Variants in ELMOD3 observed in about 807,000 individuals in gnomAD.
ELMOD3 encodes ELMO domain-containing protein 3.
A neutral mutation model predicts 47.4 loss-of-function variants in ELMOD3; 36 were observed. That is an observed-to-expected ratio of 0.76 (90% CI 0.58 to 1.00). The LOEUF is 1.00. Ranked by LOEUF, ELMOD3 falls within the 50% of genes least tolerant of loss-of-function variation. The pLI is 0.00. For missense variants in ELMOD3, 404 were observed against 463.8 expected, an observed-to-expected ratio of 0.87 and a Z score of 1.18; for synonymous variants, 149 against 183.5, an observed-to-expected ratio of 0.81 and a Z score of 1.52.
chr2:85,358,609 T>G (rs1407392047), intron 4 of ELMOD3, among the ~76,000 whole-genome samples: 1 of 151,970 alleles, frequency 6.6e-6, no homozygotes, highest in East Asian at 1.9e-4. Context: ...TGGTCAGCTG[T>G]GAGGTGTTTT....
At chr2:85,368,900 G>C in intron 7 of ELMOD3, 146 bp downstream of exon 7, 1 of 816,842 alleles carries the variant, frequency 1.2e-6, no homozygotes, top group Non-Finnish European at 2.0e-6. Flanking sequence ...ATAGATTACA[G>C]TACCTTTTTC....
intron 11 of ELMOD3, among the ~76,000 whole-genome samples, chr2:85,384,563 A>G (rs967471922): frequency 1.3e-5 from 2 of 152,136 alleles, no homozygotes; most frequent in East Asian, 3.9e-4. Flanking sequence ...GGTTTTCTCA[A>G]GTAGCAAAAG....
chr2:85,357,492 T>C (rs1683645750), intron 4 of ELMOD3: 5 of 365,242 alleles, frequency 1.4e-5, no homozygotes, highest in Admixed American at 4.6e-5. Context: ...GAGAATTTCA[T>C]TGAGGAATCA....
At chr2:85,362,839 GC>G (rs1451994051) in intron 5 of ELMOD3, among the ~76,000 whole-genome samples, 1 of 152,200 alleles carries the variant, frequency 6.6e-6, no homozygotes, top group African/African-American at 2.4e-5. Context: ...GATCACTTGA[GC>G]CCAGGAGGTG....
chr2:85,371,756 G>A (rs941470575), intron 10 of ELMOD3, 194 bp downstream of exon 10: 5 of 681,478 alleles, frequency 7.3e-6, no homozygotes, highest in African/African-American at 1.8e-5. Flanking sequence ...AGAGTAGGTC[G>A]GGCGTGGTGG....
At chr2:85,382,774 C>T (rs948136000) in intron 11 of ELMOD3, among the ~76,000 whole-genome samples, 1 of 152,056 alleles carries the variant, frequency 6.6e-6, no homozygotes, top group Admixed American at 6.5e-5. Flanking sequence ...CCTTGGCCTC[C>T]CAAAGTACTG....
At chr2:85,380,647 T>A (rs1265196820) in intron 11 of ELMOD3, among the ~76,000 whole-genome samples, 2 of 152,186 alleles carry the variant, frequency 1.3e-5, no homozygotes, top group Non-Finnish European at 2.9e-5. Flanking sequence ...TGCCTCAGCC[T>A]CCGAGTAGCT....
chr2:85,385,997 T>C (rs1288927832), intron 11 of ELMOD3, among the ~76,000 whole-genome samples: 2 of 152,050 alleles, frequency 1.3e-5, no homozygotes, highest in Non-Finnish European at 2.9e-5. Flanking sequence ...GGCGGTGGGC[T>C]CTGTACAGCA....
chr2:85,378,869 T>G (rs182812742), intron 11 of ELMOD3, among the ~76,000 whole-genome samples: 1 of 152,342 alleles, frequency 6.6e-6, no homozygotes, highest in Admixed American at 6.5e-5. Context: ...CCTAGACGGA[T>G]AGGTCCCCGA....
chr2:85,359,405 CTTTTTT>C (rs765640567), intron 4 of ELMOD3, among the ~76,000 whole-genome samples: 3 of 107,002 alleles, frequency 2.8e-5, no homozygotes, highest in Admixed American at 2.0e-4. Context: ...TTACATGACT[CTTTTTT>C]TTTTTTTTTT....
chr2:85,362,127 A>T, intron 4 of ELMOD3, 59 bp from the exon 5 acceptor site: 1 of 1,061,630 alleles, frequency 9.4e-7, no homozygotes, highest in East Asian at 2.4e-5. Context: ...TGACATTTAA[A>T]CTATTATCTT....
intron 13 of ELMOD3, 200 bp downstream of exon 13, chr2:85,390,465 C>G (rs1195760105): frequency 1.2e-6 from 2 of 1,614,006 alleles, no homozygotes; most frequent in South Asian, 1.1e-5. Context: ...TCGCCCTTTT[C>G]TGGTCTTATA....
At chr2:85,366,073 C>T (rs866446189) in intron 6 of ELMOD3, among the ~76,000 whole-genome samples, 1 of 152,036 alleles carries the variant, frequency 6.6e-6, no homozygotes, top group African/African-American at 2.4e-5. Context: ...ATTCTCCTGC[C>T]TCAGCCTCCC....
intron 6 of ELMOD3, among the ~76,000 whole-genome samples, chr2:85,364,825 A>ATAATT (rs375582916): frequency 5.7e-5 from 4 of 69,890 alleles, no homozygotes; most frequent in Non-Finnish European, 7.6e-5. Flanking sequence ...ATATATATAT[A>ATAATT]TTTTTTTTTT....
intron 6 of ELMOD3, among the ~76,000 whole-genome samples, chr2:85,364,825 A>ATATATATATATATATTTTTTTTTT (rs375582916): frequency 2.9e-5 from 2 of 69,894 alleles, no homozygotes; most frequent in African/African-American, 1.3e-4. Context: ...ATATATATAT[A>ATATATATATATATATTTTTTTTTT]TTTTTTTTTT....
In ELMOD3 at chr2:85,376,482, G is replaced by A. The variant is rs1329566858; in HGVS notation, c.608-862G>A. On this transcript the variant is annotated intron_variant, in intron 10 of 13. Transcript: ENST00000409013. This position sits in a 1 kb window ranked among gnomAD's most constrained non-coding sequence, Gnocchi z 4.2. ...TGGCTGGTGGGGCCAGGGGTGCCTC[G>A]TTACTCTTCCTATGTGGCTTCCACA... Among the ~76,000 whole-genome samples, 3 of 152,148 alleles carry A rather than the reference G, an allele frequency of 2.0e-5. No homozygotes were observed. Among genetic ancestry groups the A allele is most frequent in the Non-Finnish European group, 4.4e-5 (3 of 68,020 alleles).
chr2:85,372,916 A>C (rs1016110853), intron 10 of ELMOD3: 15 of 150,306 alleles, frequency 1.0e-4, no homozygotes, highest in African/African-American at 3.7e-4. Flanking sequence ...AAAAGACAAA[A>C]CCATATCAAA....
At position 85,357,127 on chromosome 2, in the gene ELMOD3, C is replaced by T. The variant is rs191586559; in HGVS notation, c.-72C>T. 30 of 1,063,758 alleles carry T rather than the reference C, an allele frequency of 2.8e-5. No individual in the cohort carries two copies. The East Asian group carries it at 7.3e-4, about 26-fold the overall frequency. 65.9% of individuals were successfully genotyped at this position (1,063,758 alleles called of 1,614,324 possible). On this transcript the variant is annotated 5_prime_UTR_variant, in exon 4 of 14. Transcript: ENST00000409013. ...GGATCTCTGGCTCTCCACATAGCTT[C>T]TGATCTCAGACCTTACTAAAATGCT...
intron 4 of ELMOD3, among the ~76,000 whole-genome samples, chr2:85,358,688 CA>C (rs879597875): frequency 0.024 from 3,284 of 136,752 alleles, 60 homozygotes; most frequent in African/African-American, 0.049. Flanking sequence ...GTTGGAAAGG[CA>C]AAAAAAAAAA....
Sources: gnomAD v4.1 joint callset for allele counts (sites outside exome capture counted in the v4.1 genomes callset) on GRCh38, gnomAD v4.1.1 for gene constraint, Gnocchi (gnomAD v3.1) non-coding constraint, MANE v1.5 for transcripts, NCBI Gene and HGNC (gene_info 2026-07-23, HGNC 2026-07-21) for gene names.